The following IKZF3 variants were observed in gnomAD, a reference collection of about 807,000 sequenced individuals.
The protein encoded by IKZF3 is IKAROS family zinc finger 3, also known as zinc finger protein Aiolos.
IKZF3 carries 10 observed loss-of-function variants against 49.0 expected under a neutral mutation model. The observed-to-expected ratio is 0.20, with a 90% CI of 0.13 to 0.35. The LOEUF (loss-of-function observed/expected upper bound fraction) is 0.35, where lower values mean the gene tolerates loss of function less well. Ranked by LOEUF, IKZF3 falls within the 10% of genes least tolerant of loss-of-function variation. The pLI is 1.00. For synonymous variants in IKZF3, 209 were observed against 228.2 expected, an observed-to-expected ratio of 0.92 and a Z score of 0.76; for missense variants, 498 against 664.8, an observed-to-expected ratio of 0.75 and a Z score of 2.76.
chr17:39,858,651 C>T (rs1172573894), intron 1 of IKZF3, among the ~76,000 whole-genome samples: 1 of 151,850 alleles, frequency 6.6e-6, no homozygotes, highest in Non-Finnish European at 1.5e-5. Flanking sequence ...GCTGGGACTA[C>T]AGGCGCCTGT....
rs150999739 is a variant in IKZF3 at position 39,823,432 on chromosome 17, C to T, written c.163+5955G>A. Among the ~76,000 whole-genome samples the T allele has an allele frequency of 3.2e-3, 482 of 152,174 alleles. 3 individuals are homozygous for T. The Middle Eastern group carries it at 0.071, about 23-fold the overall frequency. ...TGACAATGTGATAGAAAAGAAAAACCCATTTTGAGGAGAAATTCAAACCAG... is the reference window on the plus strand; with the variant it reads ...TGACAATGTGATAGAAAAGAAAAACTCATTTTGAGGAGAAATTCAAACCAG... On this transcript the variant is annotated intron_variant, in intron 3 of 7. Coordinates refer to ENST00000346872, the MANE Select transcript of IKZF3 (RefSeq NM_012481.5).
intron 1 of IKZF3, among the ~76,000 whole-genome samples, chr17:39,853,760 G>T (rs1488409012): frequency 6.6e-6 from 1 of 150,986 alleles, no homozygotes; most frequent in Non-Finnish European, 1.5e-5. Context: ...GCTTGGACCT[G>T]AGAGGTGAAG....
Position 39,811,433 on chromosome 17 carries a change from AAAGG to A in IKZF3, c.163+17950_163+17953del, listed in dbSNP as rs568707769. 2.4e-3 allele frequency among the ~76,000 whole-genome samples: 369 copies of A among 151,690 alleles called. 1 individual carries two copies. Among genetic ancestry groups the A allele is most frequent in the African/African-American group, 8.4e-3 (348 of 41,418 alleles). On this transcript the variant is annotated intron_variant, in intron 3 of 7. Transcript: ENST00000346872. Reference sequence around the variant, plus strand: ...AAGGAAGGAAGAAAAGGAAGGAAGGAAAGGAAGGAAGGAAGAAAGAAAGAAAGGA... The same window carrying A: ...AAGGAAGGAAGAAAAGGAAGGAAGGAAAGGAAGGAAGAAAGAAAGAAAGGA...
Position 39,802,846 on chromosome 17 carries a change from C to A in IKZF3, c.164-9913G>T, listed in dbSNP as rs547420518. ...CTCAAAAAAAAAAAAAAAAAAGAAT[C>A]TAAACTGGCCATCAGTAAATCACAT... On this transcript the variant is annotated intron_variant, in intron 3 of 7. Transcript: ENST00000346872. Among the ~76,000 whole-genome samples, 223 of 149,560 alleles carry A rather than the reference C, an allele frequency of 1.5e-3. 1 individual carries two copies. The highest frequency in any genetic ancestry group is 5.3e-3 in the African/African-American group (217 of 40,898).
At chr17:39,781,603 T>C (rs1212974848) in intron 6 of IKZF3, among the ~76,000 whole-genome samples, 1 of 152,216 alleles carries the variant, frequency 6.6e-6, no homozygotes, top group Non-Finnish European at 1.5e-5. Context: ...TTCCCATTTG[T>C]TTCTCAGCAG....
At position 39,829,501 on chromosome 17, in the gene IKZF3, A is replaced by C; in HGVS notation, c.62-13T>G. ...ACCGCTGCACTTTCTAAAAGATAAA[A>C]GGAATTTTAAGTATGTGGTTCAACG... On this transcript the variant is annotated splice_polypyrimidine_tract_variant and intron_variant, in intron 2 of 7. Coordinates refer to ENST00000346872, the MANE Select transcript of IKZF3 (RefSeq NM_012481.5). The C allele has an allele frequency of 6.4e-7, 1 of 1,571,196 alleles. No individual in the cohort carries two copies. Among genetic ancestry groups the C allele is most frequent in the South Asian group, 1.1e-5 (1 of 90,164 alleles).
At chr17:39,842,887 T>A (rs1244326746) in intron 1 of IKZF3, among the ~76,000 whole-genome samples, 1 of 152,218 alleles carries the variant, frequency 6.6e-6, no homozygotes, top group Non-Finnish European at 1.5e-5. Flanking sequence ...TCATCAGTAA[T>A]GGGACAAACA....
intron 5 of IKZF3, 105 bp downstream of exon 5, chr17:39,791,311 C>T: frequency 8.2e-7 from 1 of 1,219,992 alleles, no homozygotes; most frequent in East Asian, 2.4e-5. Context: ...CCCTTCAGAA[C>T]AAGAATGACA....
Position 39,788,380 on chromosome 17 carries a change from A to G in IKZF3, c.593-6T>C. 1.3e-6 allele frequency: 2 copies of G among 1,595,296 alleles called. No individual in the cohort carries two copies. Among genetic ancestry groups the G allele is most frequent in the Non-Finnish European group, 1.7e-6 (2 of 1,163,268 alleles). ...ACATTTGTAGGGTTTCTCCACTAGA[A>G]GGAGAACATAAGGGGCACTCAGTGA... On this transcript the variant is annotated splice_polypyrimidine_tract_variant and splice_region_variant and intron_variant, in intron 5 of 7. Transcript: ENST00000346872.
intron 6 of IKZF3, among the ~76,000 whole-genome samples, chr17:39,787,592 A>G (rs1281866113): frequency 6.6e-6 from 1 of 152,210 alleles, no homozygotes; most frequent in Non-Finnish European, 1.5e-5. Context: ...CTACCTTTAA[A>G]TATACAGAGA....
chr17:39,856,815 A>G (rs2063074168), intron 1 of IKZF3, among the ~76,000 whole-genome samples: 1 of 151,784 alleles, frequency 6.6e-6, no homozygotes, highest in Admixed American at 6.6e-5. Flanking sequence ...TCAAAATAAT[A>G]ATAATAATAA....
At chr17:39,794,981 G>T (rs1327613678) in intron 3 of IKZF3, among the ~76,000 whole-genome samples, 4 of 152,112 alleles carry the variant, frequency 2.6e-5, no homozygotes, top group African/African-American at 4.8e-5. Context: ...GATAGAAAAG[G>T]CCAGCAGAAA....
chr17:39,783,565 C>T (rs2060798286), intron 6 of IKZF3, among the ~76,000 whole-genome samples: 1 of 152,186 alleles, frequency 6.6e-6, no homozygotes, highest in East Asian at 1.9e-4. Flanking sequence ...CGCGATCCGC[C>T]CACCTCAGCA....
intron 1 of IKZF3, among the ~76,000 whole-genome samples, chr17:39,860,955 T>C (rs2063199769): frequency 1.3e-5 from 2 of 152,238 alleles, no homozygotes; most frequent in South Asian, 4.1e-4. Flanking sequence ...TTTTCAATTA[T>C]ACAGTTTAAG....
At chr17:39,816,638 G>A (rs1397273112) in intron 3 of IKZF3, among the ~76,000 whole-genome samples, 1 of 152,218 alleles carries the variant, frequency 6.6e-6, no homozygotes, top group Admixed American at 6.5e-5. Flanking sequence ...AGGCTCCTGG[G>A]AATATACTGT....
chr17:39,795,997 G>A (rs1270251828), intron 3 of IKZF3, among the ~76,000 whole-genome samples: 5 of 151,708 alleles, frequency 3.3e-5, no homozygotes, highest in African/African-American at 9.7e-5. Flanking sequence ...ACCCGAGATC[G>A]TACCACTGCA....
At chr17:39,806,287 T>G (rs926359803) in intron 3 of IKZF3, among the ~76,000 whole-genome samples, 2 of 152,188 alleles carry the variant, frequency 1.3e-5, no homozygotes, top group Admixed American at 6.5e-5. Flanking sequence ...AGGCAAAGAT[T>G]TCTTAGATAC....
At chr17:39,785,045 C>A (rs1395508682) in intron 6 of IKZF3, among the ~76,000 whole-genome samples, 1 of 152,146 alleles carries the variant, frequency 6.6e-6, no homozygotes, top group African/African-American at 2.4e-5. Context: ...CATCTCTTTA[C>A]AAGTGACGGA....
rs760042452 is a variant in IKZF3 at position 39,829,385 on chromosome 17, A to G, written c.163+2T>C. 1 of 1,606,044 alleles carries G rather than the reference A, an allele frequency of 6.2e-7. No homozygotes were observed. Among genetic ancestry groups the G allele is most frequent in the East Asian group, 2.2e-5 (1 of 44,814 alleles). On this transcript the variant is annotated splice_donor_variant, in intron 3 of 7. Coordinates refer to ENST00000346872, the MANE Select transcript of IKZF3 (RefSeq NM_012481.5). LOFTEE classifies it high-confidence loss of function. ...GTGTTTAGTCTGCACACTACGGCTC[A>G]CCTCCTATGTCTTCATCTTCATTGG...
Sources: allele counts gnomAD v4.1 joint callset (sites outside exome capture counted in the v4.1 genomes callset), GRCh38; gene constraint gnomAD v4.1.1; transcripts MANE v1.5; gene names NCBI Gene and HGNC (gene_info 2026-07-23, HGNC 2026-07-21).